Variants in PARN observed in about 807,000 individuals in gnomAD.
PARN encodes poly(A)-specific ribonuclease PARN.
PARN carries 71 observed loss-of-function variants against 102.8 expected under a neutral mutation model. The observed-to-expected ratio is 0.69, with a 90% CI of 0.57 to 0.84. The LOEUF (loss-of-function observed/expected upper bound fraction) is 0.84, where lower values mean the gene tolerates loss of function less well. PARN is among the 40% of genes least tolerant of loss of function. The pLI, the probability that PARN is intolerant of heterozygous loss-of-function variation, is 0.00. For synonymous variants in PARN, 261 were observed against 252.9 expected (o/e 1.03, Z -0.30); for missense variants, 782 against 760.9 (o/e 1.03, Z -0.33).
Position 14,496,148 on chromosome 16 carries a change from G to A in PARN, c.1481-13321C>T, listed in dbSNP as rs112710031. On this transcript the variant is annotated intron_variant, in intron 21 of 23. Transcript: ENST00000437198. The stretch of plus-strand genomic sequence containing the variant: ...AACAGGGGCCGAGAGAGGTTGAGTG[G>A]CCTGCTGAAGATGGCGATTCTGACA... Among the ~76,000 whole-genome samples the A allele has an allele frequency of 2.9e-3, 448 of 152,330 alleles. 8 individuals are homozygous for A. Among genetic ancestry groups the A allele is most frequent in the Middle Eastern group, 0.014 (4 of 294 alleles).
At chr16:14,621,683 C>T (rs1972307518) in intron 5 of PARN, among the ~76,000 whole-genome samples, 1 of 151,738 alleles carries the variant, frequency 6.6e-6, no homozygotes, top group African/African-American at 2.4e-5. Flanking sequence ...ATGGTGGCAG[C>T]GCCTGTAGTC....
chr16:14,484,934 G>A (rs1963579425), intron 21 of PARN, among the ~76,000 whole-genome samples: 1 of 152,156 alleles, frequency 6.6e-6, no homozygotes, highest in South Asian at 2.1e-4. Flanking sequence ...AAAGTATTAG[G>A]GAGGCAGGGC....
At chr16:14,550,417 C>G (rs1431679199) in intron 21 of PARN, among the ~76,000 whole-genome samples, 1 of 152,168 alleles carries the variant, frequency 6.6e-6, no homozygotes, top group Non-Finnish European at 1.5e-5. Flanking sequence ...GGTTCATTTA[C>G]TTAATCTCAT....
At chr16:14,485,924 G>C (rs1464031463) in intron 21 of PARN, among the ~76,000 whole-genome samples, 1 of 152,180 alleles carries the variant, frequency 6.6e-6, no homozygotes, top group Middle Eastern at 3.2e-3. Flanking sequence ...CTGAGCTCAA[G>C]TGATTCGCCT....
intron 23 of PARN, among the ~76,000 whole-genome samples, chr16:14,441,493 C>T (rs1182856254): frequency 6.6e-6 from 1 of 152,210 alleles, no homozygotes; most frequent in African/African-American, 2.4e-5. Flanking sequence ...AGTGGACATC[C>T]GTACACAGGA....
chr16:14,578,596 C>A (rs545559240), intron 18 of PARN: 1 of 151,424 alleles, frequency 6.6e-6, no homozygotes, highest in African/African-American at 2.4e-5. Context: ...GCAGAGGTTG[C>A]GGTGAGCCGA....
intron 21 of PARN, among the ~76,000 whole-genome samples, chr16:14,484,614 G>A (rs1182828798): frequency 2.6e-5 from 4 of 152,290 alleles, no homozygotes; most frequent in Middle Eastern, 3.4e-3. Flanking sequence ...CTGTGGGCAC[G>A]TCGGCACTGG....
At chr16:14,591,248 G>A (rs1016429469) in intron 13 of PARN, among the ~76,000 whole-genome samples, 2 of 152,056 alleles carry the variant, frequency 1.3e-5, no homozygotes, top group African/African-American at 4.8e-5. Context: ...AAAATTAGCA[G>A]GGCGTGGTGG....
At chr16:14,486,873 G>A (rs1401398613) in intron 21 of PARN, among the ~76,000 whole-genome samples, 1 of 152,252 alleles carries the variant, frequency 6.6e-6, no homozygotes, top group Non-Finnish European at 1.5e-5. Context: ...ATTTGTCAGG[G>A]AAATGATTCA....
chr16:14,494,890 AGTG>A (rs1422104069), intron 21 of PARN, among the ~76,000 whole-genome samples: 1 of 152,186 alleles, frequency 6.6e-6, no homozygotes, highest in Non-Finnish European at 1.5e-5. Context: ...GGAACAAGAT[AGTG>A]GGAACACAGG....
intron 22 of PARN, among the ~76,000 whole-genome samples, chr16:14,480,758 T>C (rs1182113494): frequency 6.6e-6 from 1 of 152,068 alleles, no homozygotes; most frequent in East Asian, 1.9e-4. Flanking sequence ...CTGGCCAAAG[T>C]GGCAAAACAT....
chr16:14,476,763 C>A (rs1165627650), intron 22 of PARN, among the ~76,000 whole-genome samples: 1 of 152,086 alleles, frequency 6.6e-6, no homozygotes, highest in Admixed American at 6.5e-5. Context: ...CCACGTGGGC[C>A]GGATTTGGTT....
In PARN at chr16:14,515,808, C is replaced by A. The variant is rs868568389; in HGVS notation, c.1481-32981G>T. The stretch of plus-strand genomic sequence containing the variant: ...TTTTTAAATTAGCCAGGCATACTGG[C>A]GCACATCTGTAGTCCTAGCTACTCA... On this transcript the variant is annotated intron_variant, in intron 21 of 23. Transcript: ENST00000437198. 4.0e-5 allele frequency among the ~76,000 whole-genome samples: 6 copies of A among 151,816 alleles called. No homozygotes were observed. The East Asian group carries it at 1.2e-3, about 29-fold the overall frequency.
At chr16:14,495,705 T>C (rs1306829081) in intron 21 of PARN, among the ~76,000 whole-genome samples, 1 of 152,080 alleles carries the variant, frequency 6.6e-6, no homozygotes, top group African/African-American at 2.4e-5. Context: ...TTGTGGGAGT[T>C]CTTTTGAACA....
chr16:14,440,730 G>C (rs1483824995), intron 23 of PARN, among the ~76,000 whole-genome samples: 2 of 152,214 alleles, frequency 1.3e-5, no homozygotes, highest in African/African-American at 4.8e-5. Flanking sequence ...CATGCTAAAT[G>C]AAAGAAGTTA....
At chr16:14,563,191 G>A (rs1426788575) in intron 18 of PARN, among the ~76,000 whole-genome samples, 1 of 152,142 alleles carries the variant, frequency 6.6e-6, no homozygotes, top group Non-Finnish European at 1.5e-5. Flanking sequence ...GATTCACAAA[G>A]GAAAGGAAAT....
At chr16:14,453,237 T>A (rs1189178411) in intron 22 of PARN, among the ~76,000 whole-genome samples, 1 of 152,250 alleles carries the variant, frequency 6.6e-6, no homozygotes. Flanking sequence ...AATTGAACAT[T>A]AAACTTTGAT....
intron 21 of PARN, among the ~76,000 whole-genome samples, chr16:14,513,027 C>T (rs906585510): frequency 1.3e-5 from 2 of 152,046 alleles, no homozygotes; most frequent in African/African-American, 2.4e-5. Flanking sequence ...AGGATTCAAG[C>T]GATTCTCGTA....
intron 23 of PARN, among the ~76,000 whole-genome samples, chr16:14,439,045 A>G (rs1960833960): frequency 6.6e-6 from 1 of 152,136 alleles, no homozygotes; most frequent in Non-Finnish European, 1.5e-5. Flanking sequence ...GTTTTACTGG[A>G]GTGTAAGGAA....
Sources: gnomAD v4.1 joint callset for allele counts (sites outside exome capture counted in the v4.1 genomes callset) on GRCh38, gnomAD v4.1.1 for gene constraint, MANE v1.5 for transcripts, NCBI Gene and HGNC (gene_info 2026-07-23, HGNC 2026-07-21) for gene names.